CTNNA2: variants seen among roughly 807,000 people sequenced by gnomAD.
CTNNA2 encodes the protein catenin alpha-2.
In CTNNA2, 42 loss-of-function variants were observed where a neutral mutation model predicts 101.0. The ratio of observed to expected loss-of-function variants is 0.42; its 90% CI spans 0.32 to 0.54. CTNNA2 has a LOEUF of 0.54. Ranked by LOEUF, CTNNA2 falls within the 20% of genes least tolerant of loss-of-function variation. CTNNA2 has a pLI of 0.14. For missense variants in CTNNA2, 871 were observed against 1,223.1 expected, an observed-to-expected ratio of 0.71 and a Z score of 4.29; for synonymous variants, 450 against 456.4, an observed-to-expected ratio of 0.99 and a Z score of 0.18.
intron 4 of CTNNA2, among the ~76,000 whole-genome samples, chr2:79,406,971 C>A (rs1428923008): frequency 6.6e-6 from 1 of 152,018 alleles, no homozygotes; most frequent in African/African-American, 2.4e-5. Flanking sequence ...AGCTGAGAAG[C>A]CCATCTTCAT....
At chr2:80,521,270 G>A (rs574956337) in intron 9 of CTNNA2, among the ~76,000 whole-genome samples, 8 of 152,244 alleles carry the variant, frequency 5.3e-5, no homozygotes, top group East Asian at 1.9e-4. Context: ...GTGCCTCCTC[G>A]TACCTGCTAT....
chr2:80,536,100 C>G (rs1399720395), intron 9 of CTNNA2, among the ~76,000 whole-genome samples: 2 of 152,158 alleles, frequency 1.3e-5, no homozygotes, highest in Non-Finnish European at 2.9e-5. Flanking sequence ...GAAACTCCAT[C>G]TGTATTATAG....
chr2:79,516,306 A>G (rs576406192), intron 1 of CTNNA2, among the ~76,000 whole-genome samples: 10 of 152,318 alleles, frequency 6.6e-5, no homozygotes, highest in African/African-American at 1.9e-4. Context: ...AAGACCATAT[A>G]TGATTATGTA....
intron 7 of CTNNA2, among the ~76,000 whole-genome samples, chr2:80,050,850 G>A (rs925150759): frequency 2.6e-5 from 4 of 151,948 alleles, no homozygotes; most frequent in East Asian, 3.9e-4. Context: ...CCTTTAGCTG[G>A]GATTACAGGC....
chr2:79,273,627 C>T (rs1269755543), intron 2 of CTNNA2, among the ~76,000 whole-genome samples: 1 of 152,032 alleles, frequency 6.6e-6, no homozygotes. Context: ...CTTGATGATT[C>T]TGGTTTTCTG....
At chr2:80,133,989 G>T (rs986026732) in intron 7 of CTNNA2, among the ~76,000 whole-genome samples, 1 of 152,122 alleles carries the variant, frequency 6.6e-6, no homozygotes, top group Non-Finnish European at 1.5e-5. Context: ...CATGGTGAGG[G>T]TTAAATGAGA....
chr2:80,599,021 A>G (rs1049626685), intron 15 of CTNNA2, among the ~76,000 whole-genome samples: 2 of 152,168 alleles, frequency 1.3e-5, no homozygotes, highest in African/African-American at 4.8e-5. Context: ...TACCGGTATC[A>G]ATTTCCTGGT....
intron 3 of CTNNA2, among the ~76,000 whole-genome samples, chr2:79,778,468 A>G (rs1674159251): frequency 6.6e-6 from 1 of 152,192 alleles, no homozygotes; most frequent in South Asian, 2.1e-4. Flanking sequence ...ATTCCTAAAT[A>G]TTCTATGTTG....
chr2:79,512,521 C>A (rs1171766558), upstream of CTNNA2, among the ~76,000 whole-genome samples: 1 of 152,018 alleles, frequency 6.6e-6, no homozygotes, highest in Non-Finnish European at 1.5e-5. Flanking sequence ...CGTGTCGGAC[C>A]CCTGCTGGGC....
chr2:80,608,526 G>A (rs1157056097), intron 17 of CTNNA2: 3 of 417,250 alleles, frequency 7.2e-6, no homozygotes, highest in Non-Finnish European at 1.2e-5. Context: ...GTTTATTCTA[G>A]CCTTGTAAAA....
At chr2:79,721,940 A>G (rs973590243) in intron 2 of CTNNA2, among the ~76,000 whole-genome samples, 1 of 152,220 alleles carries the variant, frequency 6.6e-6, no homozygotes, top group East Asian at 1.9e-4. Context: ...TACCGTGCAG[A>G]TGGGCTTGAA....
intron 4 of CTNNA2, among the ~76,000 whole-genome samples, chr2:79,460,333 A>T (rs1670865526): frequency 6.6e-6 from 1 of 152,142 alleles, no homozygotes; most frequent in African/African-American, 2.4e-5. Flanking sequence ...ATTGTGTTCT[A>T]CGTTCACACC....
chr2:80,566,236 C>T (rs149162336), intron 12 of CTNNA2, among the ~76,000 whole-genome samples: 4 of 152,236 alleles, frequency 2.6e-5, no homozygotes, highest in East Asian at 1.9e-4. Flanking sequence ...AGTTAAGTAA[C>T]CAAGATAGTA....
intron 9 of CTNNA2, among the ~76,000 whole-genome samples, chr2:80,446,634 A>G (rs1270103336): frequency 6.6e-6 from 1 of 152,126 alleles, no homozygotes; most frequent in Non-Finnish European, 1.5e-5. Context: ...AGGCTTTTTT[A>G]AAAAGGGAGG....
intron 1 of CTNNA2, among the ~76,000 whole-genome samples, chr2:79,607,705 A>T (rs141253493): frequency 1.3e-5 from 2 of 152,094 alleles, no homozygotes; most frequent in African/African-American, 4.8e-5. Flanking sequence ...GAAATTATAA[A>T]ATGTTTTAAG....
At chr2:79,536,901 C>T (rs1338616430) in intron 1 of CTNNA2, among the ~76,000 whole-genome samples, 1 of 152,034 alleles carries the variant, frequency 6.6e-6, no homozygotes, top group Non-Finnish European at 1.5e-5. Flanking sequence ...GGGGTTTCAG[C>T]GTGTTGCCCA....
At chr2:79,719,123 A>G (rs547242603) in intron 2 of CTNNA2, among the ~76,000 whole-genome samples, 8 of 152,194 alleles carry the variant, frequency 5.3e-5, no homozygotes, top group Admixed American at 3.9e-4. Context: ...GCTCCCCCTT[A>G]TAAGTGAGAA....
chr2:79,504,445 A>G (rs1333669738), intron 4 of CTNNA2, among the ~76,000 whole-genome samples: 2 of 152,140 alleles, frequency 1.3e-5, no homozygotes, highest in African/African-American at 4.8e-5. Flanking sequence ...ACATGCTACC[A>G]CACACGGTTA....
chr2:80,566,515 T>C (rs979563047), intron 12 of CTNNA2, among the ~76,000 whole-genome samples: 17 of 152,152 alleles, frequency 1.1e-4, no homozygotes, highest in African/African-American at 4.1e-4. Flanking sequence ...CTAGGGTGTG[T>C]GGACAAATCC....
Sources: gnomAD v4.1 joint callset for allele counts (sites outside exome capture counted in the v4.1 genomes callset) on GRCh38, gnomAD v4.1.1 for gene constraint, MANE v1.5 for transcripts, NCBI Gene and HGNC (gene_info 2026-07-23, HGNC 2026-07-21) for gene names.